The following EPB41L2 variants were observed in gnomAD, a reference collection of about 807,000 sequenced individuals.
EPB41L2 encodes the protein erythrocyte membrane protein band 4.1 like 2, also known as band 4.1-like protein 2.
In EPB41L2, 43 loss-of-function variants were observed where a neutral mutation model predicts 113.0. The ratio of observed to expected loss-of-function variants is 0.38; its 90% CI spans 0.30 to 0.49. The LOEUF (loss-of-function observed/expected upper bound fraction) is 0.49. EPB41L2 is among the 20% of genes least tolerant of loss of function. EPB41L2 has a pLI of 0.95. For synonymous variants in EPB41L2, 442 were observed against 436.7 expected, an observed-to-expected ratio of 1.01 and a Z score of -0.15; for missense variants, 1,147 against 1,223.4, an observed-to-expected ratio of 0.94 and a Z score of 0.93.
chr6:130,929,225 T>C (rs1805853151), intron 3 of EPB41L2, among the ~76,000 whole-genome samples: 1 of 152,192 alleles, frequency 6.6e-6, no homozygotes, highest in African/African-American at 2.4e-5. Context: ...AATGAGTAAA[T>C]GTGACTAACA....
At position 130,840,079 on chromosome 6, in the gene EPB41L2, T is replaced by C. The variant is rs1192062932; in HGVS notation, c.*525A>G. 1.3e-5 allele frequency: 2 copies of C among 152,272 alleles called. No individual in the cohort carries two copies. The highest frequency in any genetic ancestry group is 4.8e-5 in the African/African-American group (2 of 41,478). The allele number at this position is 152,272 out of a possible 1,614,324, so 9.4% of individuals were successfully genotyped here. ...GAAAGGCTTTTAATCTGTATTAATATTTTCTCATACAGTATATTTGCTGCA... is the reference window on the plus strand; with the variant it reads ...GAAAGGCTTTTAATCTGTATTAATACTTTCTCATACAGTATATTTGCTGCA... On this transcript the variant is annotated 3_prime_UTR_variant, in exon 20 of 20. Coordinates refer to ENST00000337057, the MANE Select transcript of EPB41L2 (RefSeq NM_001431.4).
At chr6:131,055,472 G>T (rs958180409) in intron 1 of EPB41L2, among the ~76,000 whole-genome samples, 2 of 152,156 alleles carry the variant, frequency 1.3e-5, no homozygotes, top group Non-Finnish European at 2.9e-5. Context: ...GTAGTACTCA[G>T]GTCTGCTTCA....
chr6:130,866,717 A>G (rs1783867354), intron 16 of EPB41L2, among the ~76,000 whole-genome samples: 1 of 152,252 alleles, frequency 6.6e-6, no homozygotes, highest in Non-Finnish European at 1.5e-5. Flanking sequence ...TCATCTTCTA[A>G]GTGGAGAAAA....
At chr6:130,876,592 A>AAAAGAAATC in intron 14 of EPB41L2, 2 of 893,660 alleles carry the variant, frequency 2.2e-6, no homozygotes, top group Non-Finnish European at 1.5e-6. Context: ...CACACAGGAA[A>AAAAGAAATC]AAAGAAATCT....
At position 130,867,466 on chromosome 6, in the gene EPB41L2, G is replaced by A. The variant is rs758386746; in HGVS notation, c.2723C>T (p.Ser908Phe). ...QTETKTITYE[S>F]PQIDGGAGGD... Reference sequence around the variant, plus strand: ...AGTCTAGAGCTTTTGTACCTGTGGAGACTCATATGTGATGGTTTTGGTCTC... The same window carrying A: ...AGTCTAGAGCTTTTGTACCTGTGGAAACTCATATGTGATGGTTTTGGTCTC... The change falls in exon 16 of 20, where the codon TCT becomes TTT. Residue 908 changes from serine (S) to phenylalanine (F), a missense_variant. Ser to Phe is a radical substitution (Grantham distance 155). Transcript: ENST00000337057. 4.3e-6 allele frequency: 7 copies of A among 1,613,846 alleles called. No individual in the cohort carries two copies. The highest frequency in any genetic ancestry group is 3.3e-5 in the Admixed American group (2 of 60,000).
chr6:130,870,675 T>G (rs1227876501), intron 14 of EPB41L2, among the ~76,000 whole-genome samples: 1 of 152,194 alleles, frequency 6.6e-6, no homozygotes, highest in Non-Finnish European at 1.5e-5. Context: ...CAAAGCTGAC[T>G]CATCATTTTA....
chr6:130,862,575 C>T (rs933063), intron 18 of EPB41L2, among the ~76,000 whole-genome samples: 64,548 of 152,034 alleles, frequency 0.42, 15,196 homozygotes, highest in African/African-American at 0.63. Flanking sequence ...TGTACTAATG[C>T]TCTCTAGGAA....
At position 130,878,215 on chromosome 6, in the gene EPB41L2, A is replaced by C; in HGVS notation, c.1932T>G (p.His644Gln). Residue 644 changes from histidine to glutamine, a missense_variant, in exon 14 of 20, where the codon CAT becomes CAG. Physicochemically the swap from His to Gln is conservative, Grantham distance 24 (BLOSUM62 0). Transcript: ENST00000337057. ...LDKAQEDILK[H>Q]QASISELKRN... Reference sequence around the variant, plus strand: ...GCTTGAGTTCACTAATGCTAGCCTGATGTTTCAGTATGTCCTCCTGGGCCT... The same window carrying C: ...GCTTGAGTTCACTAATGCTAGCCTGCTGTTTCAGTATGTCCTCCTGGGCCT... 2.5e-6 allele frequency: 4 copies of C among 1,613,162 alleles called. No homozygotes were observed. The highest frequency in any genetic ancestry group is 3.4e-6 in the Non-Finnish European group (4 of 1,179,638).
intron 5 of EPB41L2, 121 bp downstream of exon 5, chr6:130,908,697 GTAT>G (rs988567132): frequency 1.4e-5 from 9 of 628,588 alleles, no homozygotes; most frequent in East Asian, 1.2e-4. Flanking sequence ...AATATTATTA[GTAT>G]TATTAACTTC....
At chr6:130,878,511 G>A in intron 13 of EPB41L2, 1 of 331,412 alleles carries the variant, frequency 3.0e-6, no homozygotes, top group South Asian at 4.8e-5. Flanking sequence ...TCTCTATTTA[G>A]GATTTTTAAA....
chr6:131,043,978 T>G (rs1166011969), intron 1 of EPB41L2, among the ~76,000 whole-genome samples: 1 of 151,772 alleles, frequency 6.6e-6, no homozygotes, highest in Admixed American at 6.6e-5. Flanking sequence ...AATATGCTAT[T>G]CAGTTTAGTT....
intron 1 of EPB41L2, among the ~76,000 whole-genome samples, chr6:130,959,106 C>G (rs757667651): frequency 1.3e-5 from 2 of 152,008 alleles, no homozygotes; most frequent in African/African-American, 2.4e-5. Flanking sequence ...ACTTGATGTC[C>G]GGGCTGAATA....
At chr6:130,863,553 T>C (rs1275565320) in intron 18 of EPB41L2, 85 bp downstream of exon 18, 1 of 951,256 alleles carries the variant, frequency 1.1e-6, no homozygotes, top group Non-Finnish European at 1.7e-6. Flanking sequence ...GAGAAGAGGT[T>C]TACACAGGTA....
chr6:130,983,515 T>C (rs1212839602), intron 1 of EPB41L2, among the ~76,000 whole-genome samples: 3 of 150,194 alleles, frequency 2.0e-5, no homozygotes, highest in African/African-American at 5.0e-5. Context: ...TACACTACTA[T>C]AGACTTTTTT....
chr6:130,880,628 A>G, intron 12 of EPB41L2: 1 of 486,536 alleles, frequency 2.1e-6, no homozygotes, highest in East Asian at 3.2e-5. Flanking sequence ...CAGAAGATGC[A>G]GAATATTAAG....
At chr6:130,870,200 C>A (rs1012706066) in intron 14 of EPB41L2, 74 bp from the exon 15 acceptor site, 3 of 1,532,116 alleles carry the variant, frequency 2.0e-6, no homozygotes, top group Non-Finnish European at 2.6e-6. Flanking sequence ...CCAAATTAAC[C>A]GATGGCAGAT....
In EPB41L2 at chr6:130,871,386, G is replaced by C. The variant is rs576818848; in HGVS notation, c.2044-1260C>G. ...AGAGCCAGGAGCCCTATTTATTCAC[G>C]AAAGTGACTCCATTCTGGATGGAGA... On this transcript the variant is annotated intron_variant, in intron 14 of 19. Coordinates refer to ENST00000337057, the MANE Select transcript of EPB41L2 (RefSeq NM_001431.4). Among the ~76,000 whole-genome samples, 28 of 152,238 alleles carry C rather than the reference G, an allele frequency of 1.8e-4. No homozygotes were observed. The South Asian group carries it at 4.4e-3, about 24-fold the overall frequency.
At chr6:131,051,888 G>T (rs1796634925) in intron 1 of EPB41L2, among the ~76,000 whole-genome samples, 1 of 151,882 alleles carries the variant, frequency 6.6e-6, no homozygotes, top group Non-Finnish European at 1.5e-5. Flanking sequence ...GCAAATACTA[G>T]AAGTCTTCAT....
chr6:130,974,577 G>A (rs111700827), intron 1 of EPB41L2, among the ~76,000 whole-genome samples: 3,070 of 152,160 alleles, frequency 0.02, 39 homozygotes, highest in Non-Finnish European at 0.031. Flanking sequence ...TTAAAAATTA[G>A]ACTATTAGAA....
Sources: allele counts gnomAD v4.1 joint callset (sites outside exome capture counted in the v4.1 genomes callset), GRCh38; gene constraint gnomAD v4.1.1; transcripts MANE v1.5; gene names NCBI Gene and HGNC (gene_info 2026-07-23, HGNC 2026-07-21).